Variants in ADRA1B observed in about 807,000 individuals in gnomAD.
ADRA1B encodes the protein adrenoceptor alpha 1B.
A neutral mutation model predicts 17.9 loss-of-function variants in ADRA1B; 17 were observed. The observed-to-expected ratio is 0.95, with a 90% CI of 0.65 to 1.42. ADRA1B has a LOEUF of 1.42. Among genes scored for constraint, ADRA1B ranks in the 40% most tolerant of loss-of-function variants. The pLI is 0.00. For synonymous variants in ADRA1B, 366 were observed against 327.6 expected, an observed-to-expected ratio of 1.12 and a Z score of -1.27; for missense variants, 681 against 722.1, an observed-to-expected ratio of 0.94 and a Z score of 0.65.
chr5:159,977,853 C>T (rs1755995579), downstream of ADRA1B, among the ~76,000 whole-genome samples: 3 of 152,066 alleles, frequency 2.0e-5, no homozygotes, highest in African/African-American at 7.2e-5. Context: ...AGCCTCACAA[C>T]TCCCAGCTCA....
intron 1 of ADRA1B, among the ~76,000 whole-genome samples, chr5:159,930,988 A>T (rs1754787732): frequency 6.8e-6 from 1 of 147,496 alleles, no homozygotes; most frequent in East Asian, 1.9e-4. Flanking sequence ...ACATATATAT[A>T]ATATATATAT....
chr5:159,900,691 T>C (rs1382502652), intron 1 of ADRA1B, among the ~76,000 whole-genome samples: 1 of 152,200 alleles, frequency 6.6e-6, no homozygotes, highest in Non-Finnish European at 1.5e-5. Context: ...CTCTTGTCTC[T>C]CTCCCTTCTG....
Position 159,866,013 on chromosome 5 carries a change from G to A in ADRA1B, c.-256+807G>A, listed in dbSNP as rs574998155. On this transcript the variant is annotated intron_variant, in intron 1 of 2. Coordinates refer to the ADRA1B transcript ENST00000641205. Reference sequence around the variant, plus strand: ...TTACATAAGTAGCAAGGAGAGTTGGGTGTTCATTCCTTAATTCATTCCTAA... The same window carrying A: ...TTACATAAGTAGCAAGGAGAGTTGGATGTTCATTCCTTAATTCATTCCTAA... Among the ~76,000 whole-genome samples, 237 of 152,260 alleles carry A rather than the reference G, an allele frequency of 1.6e-3. 1 individual carries two copies. Among genetic ancestry groups the A allele is most frequent in the Middle Eastern group, 0.01 (3 of 294 alleles).
At chr5:159,906,690 C>G (rs1488328420) in intron 1 of ADRA1B, among the ~76,000 whole-genome samples, 1 of 152,164 alleles carries the variant, frequency 6.6e-6, no homozygotes, top group African/African-American at 2.4e-5. Context: ...CTTGATGGAG[C>G]AGGACCAAGA....
chr5:159,892,828 C>A (rs2113106315), intron 1 of ADRA1B, among the ~76,000 whole-genome samples: 1 of 152,292 alleles, frequency 6.6e-6, no homozygotes, highest in South Asian at 2.1e-4. Flanking sequence ...AGAATGATTT[C>A]TATTCCTTTG....
chr5:159,939,586 GT>G (rs1479282768), intron 1 of ADRA1B, among the ~76,000 whole-genome samples: 1 of 152,080 alleles, frequency 6.6e-6, no homozygotes, highest in African/African-American at 2.4e-5. Context: ...CTCACTAGCT[GT>G]GCAACCTCAG....
At chr5:159,932,482 T>G (rs1754837845) in intron 1 of ADRA1B, among the ~76,000 whole-genome samples, 1 of 152,208 alleles carries the variant, frequency 6.6e-6, no homozygotes, top group South Asian at 2.1e-4. Flanking sequence ...AATGCTGCAC[T>G]GAATTCCATA....
chr5:159,966,878 G>T (rs889557693), intron 1 of ADRA1B, among the ~76,000 whole-genome samples: 1 of 152,186 alleles, frequency 6.6e-6, no homozygotes, highest in Non-Finnish European at 1.5e-5. Context: ...TATAGAGAAG[G>T]CATTAAATAA....
intron 1 of ADRA1B, chr5:159,871,476 G>C (rs1753738782): frequency 6.6e-6 from 1 of 152,294 alleles, no homozygotes; most frequent in East Asian, 1.9e-4. Flanking sequence ...GGCTCTACAA[G>C]AGATTCCATC....
At chr5:159,979,021 G>A in the ADRA1B span, among the ~76,000 whole-genome samples, 10 of 152,150 alleles carry the variant, frequency 6.6e-5, no homozygotes, top group Non-Finnish European at 1.5e-4. Context: ...TCTGAAAGGG[G>A]AGCTTGTACA....
intron 1 of ADRA1B, among the ~76,000 whole-genome samples, chr5:159,925,305 G>A (rs754529126): frequency 4.1e-4 from 62 of 152,330 alleles, no homozygotes; most frequent in African/African-American, 1.3e-3. Flanking sequence ...TAATTGGGTC[G>A]TTCCTCTAGG....
At chr5:159,962,657 CTTGT>C (rs1356927781) in intron 1 of ADRA1B, among the ~76,000 whole-genome samples, 2 of 143,456 alleles carry the variant, frequency 1.4e-5, no homozygotes, top group Non-Finnish European at 3.0e-5. Flanking sequence ...CATCTTTTGG[CTTGT>C]TTTTCAGCTT....
chr5:159,987,342 C>T, the ADRA1B span, among the ~76,000 whole-genome samples: 1 of 152,226 alleles, frequency 6.6e-6, no homozygotes. Flanking sequence ...GCCGGCGCCG[C>T]GGCGTCTCCA....
rs575146002 is a variant in ADRA1B, at chr5:159,945,937, T to C, written c.950-25942T>C. On this transcript the variant is annotated intron_variant, in intron 1 of 1. Transcript: ENST00000306675. ...TAATTTTTTGTATTTTTAGTAGAGA[T>C]GGGGTTTCACCATGTTAGCCAGGAT... 5.5e-3 allele frequency among the ~76,000 whole-genome samples: 830 copies of C among 152,162 alleles called. 5 individuals are homozygous for C. Among genetic ancestry groups the C allele is most frequent in the South Asian group, 9.3e-3 (45 of 4,816 alleles).
At chr5:159,971,205 C>T (rs770060378) in intron 1 of ADRA1B, among the ~76,000 whole-genome samples, 3 of 152,168 alleles carry the variant, frequency 2.0e-5, no homozygotes, top group Non-Finnish European at 4.4e-5. Context: ...CTTTCCATTG[C>T]CCATGTTTCT....
intron 1 of ADRA1B, among the ~76,000 whole-genome samples, chr5:159,937,395 T>C (rs950246491): frequency 1.8e-4 from 28 of 152,100 alleles, no homozygotes; most frequent in Admixed American, 1.4e-3. Flanking sequence ...AACCAGGATA[T>C]GTGAATCTCA....
At chr5:159,927,214 G>C (rs546112144) in intron 1 of ADRA1B, among the ~76,000 whole-genome samples, 1 of 152,080 alleles carries the variant, frequency 6.6e-6, no homozygotes, top group South Asian at 2.1e-4. Flanking sequence ...TCACCCTCTA[G>C]CCATGGTCAC....
At chr5:159,871,707 T>G (rs1753741706) in intron 1 of ADRA1B, among the ~76,000 whole-genome samples, 1 of 151,224 alleles carries the variant, frequency 6.6e-6, no homozygotes, top group Non-Finnish European at 1.5e-5. Flanking sequence ...GGTGGTGGGG[T>G]GGGGTTAGGA....
upstream of ADRA1B, chr5:159,916,321 C>G (rs893834631): frequency 6.6e-6 from 1 of 152,006 alleles, no homozygotes; most frequent in Non-Finnish European, 1.5e-5. Context: ...CCCCGCCCCC[C>G]GCAGAGGGCG....
Sources: gnomAD v4.1 joint callset for allele counts (sites outside exome capture counted in the v4.1 genomes callset) on GRCh38, gnomAD v4.1.1 for gene constraint, MANE v1.5 for transcripts, NCBI Gene and HGNC (gene_info 2026-07-23, HGNC 2026-07-21) for gene names.